SNX25: variants seen among roughly 807,000 people sequenced by gnomAD.
The protein encoded by SNX25 is sorting nexin-25.
Under a neutral mutation model 113.7 loss-of-function variants are expected in SNX25, and 62 were observed. The ratio of observed to expected loss-of-function variants is 0.55; its 90% CI spans 0.44 to 0.67. The LOEUF (loss-of-function observed/expected upper bound fraction) is 0.67. Ranked by LOEUF, SNX25 falls within the 30% of genes least tolerant of loss-of-function variation. SNX25 has a pLI of 0.00. For synonymous variants in SNX25, 421 were observed against 436.2 expected (o/e 0.97, Z 0.43); for missense variants, 1,014 against 1,161.0 (o/e 0.87, Z 1.84).
intron 18 of SNX25, 96 bp downstream of exon 18, chr4:185,362,807 T>A: frequency 2.7e-6 from 2 of 744,022 alleles, no homozygotes; most frequent in Non-Finnish European, 4.6e-6. Flanking sequence ...TGCAGCACTC[T>A]CATTCTCACA....
chr4:185,346,875 C>G (rs2095289568), intron 13 of SNX25, among the ~76,000 whole-genome samples: 1 of 152,112 alleles, frequency 6.6e-6, no homozygotes, highest in South Asian at 2.1e-4. Flanking sequence ...CCCATGTAAC[C>G]AGCACCCAGT....
chr4:185,256,421 T>C (rs1298079072), intron 2 of SNX25, among the ~76,000 whole-genome samples: 1 of 152,070 alleles, frequency 6.6e-6, no homozygotes, highest in Non-Finnish European at 1.5e-5. Flanking sequence ...ACTGGAAATG[T>C]GAAAAAACAT....
intron 5 of SNX25, among the ~76,000 whole-genome samples, chr4:185,282,313 C>T (rs1750720963): frequency 1.3e-5 from 2 of 152,106 alleles, no homozygotes; most frequent in Non-Finnish European, 2.9e-5. Flanking sequence ...AGGCACCCGC[C>T]ACCATGTCCA....
the SNX25 span, chr4:185,378,335 A>G: frequency 2.6e-3 from 3,822 of 1,444,258 alleles, 7 homozygotes; most frequent in Non-Finnish European, 3.3e-3. Flanking sequence ...TAGAACACCA[A>G]CCACCAACTC....
rs568032563 is a variant in SNX25, at chr4:185,239,487, G to A, written c.430-7807G>A. On this transcript the variant is annotated intron_variant, in intron 1 of 18. Coordinates refer to ENST00000652585, the MANE Select transcript of SNX25 (RefSeq NM_001378034.2). ...ACAGAGTGAGACTCCGTCTCAAAAA[G>A]AAAAAAAATAAAAGCTTTCAAGTTT... 5.4e-3 allele frequency among the ~76,000 whole-genome samples: 821 copies of A among 151,318 alleles called. 5 individuals are homozygous for A. Among genetic ancestry groups the A allele is most frequent in the African/African-American group, 0.019 (784 of 41,330 alleles).
upstream of SNX25, among the ~76,000 whole-genome samples, chr4:185,204,809 G>T (rs185694257): frequency 8.8e-4 from 134 of 152,344 alleles, 1 homozygote; most frequent in Admixed American, 3.9e-3. Context: ...GCCAAGGAGT[G>T]CAGGTAGAAG....
At chr4:185,238,084 AAT>A (rs2126439834) in intron 1 of SNX25, among the ~76,000 whole-genome samples, 1 of 149,712 alleles carries the variant, frequency 6.7e-6, no homozygotes, top group African/African-American at 2.5e-5. Flanking sequence ...AAAAAAAAAA[AAT>A]TTAGAGCACC....
At chr4:185,234,681 C>CAAAA (rs369613640) in intron 1 of SNX25, among the ~76,000 whole-genome samples, 3 of 16,146 alleles carry the variant, frequency 1.9e-4, no homozygotes, top group African/African-American at 6.2e-4. Context: ...GACTCTGTCT[C>CAAAA]AAAAAAAAAA....
intron 9 of SNX25, among the ~76,000 whole-genome samples, chr4:185,328,283 C>A (rs1488538666): frequency 6.6e-6 from 1 of 151,928 alleles, no homozygotes; most frequent in South Asian, 2.1e-4. Flanking sequence ...AAGACAAAGA[C>A]AGATTTTGAG....
rs766310152 is a variant in SNX25 at position 185,267,170 on chromosome 4, A to T, written c.1091+15A>T. 2 of 1,609,598 alleles carry T rather than the reference A, an allele frequency of 1.2e-6. No homozygotes were observed. The highest frequency in any genetic ancestry group is 8.5e-7 in the Non-Finnish European group (1 of 1,178,146). Reference sequence around the variant, plus strand: ...AAGCAACTAAGGTATTTGGTCTTCAATTATAGCACAGCAACAGCTACTGAT... The same window carrying T: ...AAGCAACTAAGGTATTTGGTCTTCATTTATAGCACAGCAACAGCTACTGAT... On this transcript the variant is annotated intron_variant, in intron 5 of 18. Transcript: ENST00000652585.
chr4:185,245,856 C>T (rs897939282), intron 1 of SNX25, among the ~76,000 whole-genome samples: 4 of 152,174 alleles, frequency 2.6e-5, no homozygotes, highest in African/African-American at 7.2e-5. Context: ...AACTCTTTGA[C>T]TATTGACGTA....
chr4:185,281,224 A>G (rs1354381085), intron 5 of SNX25, among the ~76,000 whole-genome samples: 2 of 152,072 alleles, frequency 1.3e-5, no homozygotes, highest in Non-Finnish European at 2.9e-5. Context: ...TCAAATTTAT[A>G]CATATTTAAC....
chr4:185,264,203 A>T (rs1450422068), intron 3 of SNX25, among the ~76,000 whole-genome samples: 4 of 152,170 alleles, frequency 2.6e-5, no homozygotes, highest in Non-Finnish European at 4.4e-5. Context: ...AGACCCTTTG[A>T]TGCTACTGAA....
intron 14 of SNX25, 31 bp from the exon 15 acceptor site, chr4:185,353,454 T>C (rs2095325329): frequency 1.3e-6 from 2 of 1,550,148 alleles, no homozygotes; most frequent in South Asian, 2.3e-5. Flanking sequence ...GGATAAGTTA[T>C]CTGCTTCCTA....
chr4:185,337,462 A>G (rs1017769210), intron 10 of SNX25, among the ~76,000 whole-genome samples: 5 of 151,844 alleles, frequency 3.3e-5, no homozygotes, highest in Admixed American at 2.0e-4. Context: ...TTACATGTTT[A>G]TACCACATTT....
At position 185,353,547 on chromosome 4, in the gene SNX25, C is replaced by T. The variant is rs199902052; in HGVS notation, c.2529C>T (p.Asp843=). The T allele has an allele frequency of 1.0e-4, 164 of 1,614,158 alleles. No homozygotes were observed. Among genetic ancestry groups the T allele is most frequent in the Admixed American group, 4.8e-4 (29 of 60,022 alleles). The change falls in exon 15 of 19, where the codon GAC becomes GAT. Residue 843 remains aspartate, a synonymous_variant. Transcript: ENST00000652585. The part of the protein sequence containing the change: ...DYGDDVDGRK[D]ALAEPCFMLI... ...GTGATGATGTGGATGGGAGGAAAGA[C>T]GCCTTGGCTGAACCATGTTTCATGT...
At chr4:185,310,340 A>G (rs1424101846) in intron 6 of SNX25, among the ~76,000 whole-genome samples, 1 of 152,228 alleles carries the variant, frequency 6.6e-6, no homozygotes, top group Non-Finnish European at 1.5e-5. Context: ...TCATATAAAG[A>G]TGTTAAAGAA....
rs867503906 is a variant in SNX25, at chr4:185,353,658, C to T, written c.2584+56C>T. ...TTGCTAGTTAAGTGGTATATATAAT[C>T]GTACATTCACATGCATTTAATATCC... On this transcript the variant is annotated intron_variant, in intron 15 of 18. Coordinates refer to ENST00000652585, the MANE Select transcript of SNX25 (RefSeq NM_001378034.2). 8 of 1,279,176 alleles carry T rather than the reference C, an allele frequency of 6.3e-6. 1 individual carries two copies. The highest frequency in any genetic ancestry group is 3.7e-4 in the Middle Eastern group (2 of 5,434). The allele number at this position is 1,279,176 out of a possible 1,614,324, so 79.2% of individuals were successfully genotyped here.
At chr4:185,351,677 T>TG (rs1400556008) in intron 14 of SNX25, 68 bp downstream of exon 14, 3 of 1,513,734 alleles carry the variant, frequency 2.0e-6, no homozygotes, top group African/African-American at 2.8e-5. Context: ...ATGCTCCTCA[T>TG]GGGGGGAAGC....
Sources: allele counts gnomAD v4.1 joint callset (sites outside exome capture counted in the v4.1 genomes callset), GRCh38; gene constraint gnomAD v4.1.1; transcripts MANE v1.5; gene names NCBI Gene and HGNC (gene_info 2026-07-23, HGNC 2026-07-21).